SOX6: variants seen among roughly 807,000 people sequenced by gnomAD.
SOX6 encodes SRY-box transcription factor 6.
SOX6 carries 11 observed loss-of-function variants against 97.8 expected under a neutral mutation model. The ratio of observed to expected loss-of-function variants is 0.11; its 90% CI spans 0.07 to 0.19. SOX6 has a LOEUF of 0.19. Among genes scored for constraint, SOX6 ranks in the 10% least tolerant of loss-of-function variants. The probability of loss-of-function intolerance (pLI) is 1.00; values close to 1 mark genes in which losing one functional copy is unlikely to be tolerated. For synonymous variants in SOX6, 360 were observed against 371.4 expected (o/e 0.97, Z 0.35); for missense variants, 810 against 1,039.5 (o/e 0.78, Z 3.04).
At chr11:16,187,760 CT>C in intron 4 of SOX6, among the ~76,000 whole-genome samples, 2 of 152,242 alleles carry the variant, frequency 1.3e-5, no homozygotes, top group East Asian at 3.9e-4. Context: ...GCTGAACAGT[CT>C]TTTTATGGGC....
intron 1 of SOX6, among the ~76,000 whole-genome samples, chr11:16,410,649 T>C (rs935853529): frequency 2.7e-5 from 4 of 150,638 alleles, no homozygotes; most frequent in East Asian, 2.0e-4. Flanking sequence ...TCCCAGCTAC[T>C]TGAGGGAGCT....
chr11:16,136,411 T>G (rs994952485), intron 6 of SOX6, among the ~76,000 whole-genome samples: 3 of 151,692 alleles, frequency 2.0e-5, no homozygotes, highest in African/African-American at 4.8e-5. Context: ...AGTGTAACTT[T>G]TTTTTAAGAG....
intron 3 of SOX6, among the ~76,000 whole-genome samples, chr11:16,714,203 T>C (rs1848201196): frequency 6.6e-6 from 1 of 152,102 alleles, no homozygotes; most frequent in African/African-American, 2.4e-5. Flanking sequence ...AATAGGTTTA[T>C]GTAGACTATC....
intron 1 of SOX6, among the ~76,000 whole-genome samples, chr11:16,456,498 T>C (rs1411026679): frequency 6.6e-6 from 1 of 152,086 alleles, no homozygotes; most frequent in Non-Finnish European, 1.5e-5. Context: ...GGTTTATAAA[T>C]GCAAAGAACC....
chr11:15,986,166 A>G, intron 15 of SOX6, 38 bp downstream of exon 15: 1 of 1,588,766 alleles, frequency 6.3e-7, no homozygotes, highest in Non-Finnish European at 8.6e-7. Flanking sequence ...ACTTACCGCA[A>G]AAGTAAAGCC....
At chr11:16,420,516 T>C (rs1159970079) in intron 1 of SOX6, among the ~76,000 whole-genome samples, 1 of 152,142 alleles carries the variant, frequency 6.6e-6, no homozygotes, top group Admixed American at 6.6e-5. Context: ...ACTCCCCAAA[T>C]ACATCTGGGC....
At chr11:16,409,772 T>C (rs995250748) in intron 1 of SOX6, among the ~76,000 whole-genome samples, 4 of 151,992 alleles carry the variant, frequency 2.6e-5, no homozygotes, top group African/African-American at 7.3e-5. Flanking sequence ...TATATAGTTA[T>C]TGGTAAAATT....
intron 9 of SOX6, among the ~76,000 whole-genome samples, chr11:16,060,552 T>G (rs1399796365): frequency 3.3e-5 from 5 of 151,974 alleles, no homozygotes; most frequent in African/African-American, 1.2e-4. Flanking sequence ...ATATTCTGTC[T>G]AACAAAACAT....
intron 3 of SOX6, 37 bp downstream of exon 3, chr11:16,318,409 A>G (rs761380203): frequency 2.5e-6 from 4 of 1,596,766 alleles, no homozygotes; most frequent in Non-Finnish European, 3.4e-6. Context: ...TCTTTAGAAG[A>G]AAAAAAACAG....
At chr11:16,081,047 C>T (rs1270648080) in intron 9 of SOX6, among the ~76,000 whole-genome samples, 1 of 151,890 alleles carries the variant, frequency 6.6e-6, no homozygotes, top group Admixed American at 6.6e-5. Flanking sequence ...TATGATTGTA[C>T]CACGGCACTC....
intron 1 of SOX6, among the ~76,000 whole-genome samples, chr11:16,410,618 C>T (rs1315295098): frequency 6.6e-6 from 1 of 151,590 alleles, no homozygotes; most frequent in Non-Finnish European, 1.5e-5. Context: ...ATTAGCCAGG[C>T]ATGGTGGTGT....
At chr11:16,474,435 A>G (rs1171903370) in intron 1 of SOX6, among the ~76,000 whole-genome samples, 1 of 152,222 alleles carries the variant, frequency 6.6e-6, no homozygotes, top group Non-Finnish European at 1.5e-5. Context: ...ATAAGACTTG[A>G]AAGTTGAAAT....
intron 6 of SOX6, among the ~76,000 whole-genome samples, chr11:16,181,005 A>G (rs1851332072): frequency 1.3e-5 from 2 of 151,672 alleles, no homozygotes; most frequent in Admixed American, 1.3e-4. Context: ...TTTCCATTAT[A>G]ATAGACCCAG....
At chr11:16,353,168 C>T (rs954621378) in intron 1 of SOX6, among the ~76,000 whole-genome samples, 6 of 151,988 alleles carry the variant, frequency 3.9e-5, no homozygotes, top group African/African-American at 1.2e-4. Context: ...CCATCTCTGA[C>T]CAGAGAAACC....
intron 5 of SOX6, 30 bp from the exon 6 acceptor site, chr11:16,183,984 A>G (rs1400918262): frequency 6.3e-7 from 1 of 1,597,028 alleles, no homozygotes; most frequent in Non-Finnish European, 8.6e-7. Context: ...ATTAAGTTAA[A>G]ATGAAATGCT....
intron 4 of SOX6, among the ~76,000 whole-genome samples, chr11:16,509,719 C>T (rs374344872): frequency 1.2e-4 from 18 of 152,028 alleles, no homozygotes; most frequent in African/African-American, 3.4e-4. Context: ...TTATTTTAAT[C>T]GGGCATATTG....
chr11:16,709,392 C>T (rs1444742376), intron 3 of SOX6, among the ~76,000 whole-genome samples: 1 of 152,130 alleles, frequency 6.6e-6, no homozygotes, highest in Non-Finnish European at 1.5e-5. Context: ...GCCACAAGCA[C>T]TGGTAGTCCC....
intron 13 of SOX6, among the ~76,000 whole-genome samples, chr11:15,996,320 A>G (rs1251449779): frequency 2.0e-5 from 3 of 152,184 alleles, no homozygotes; most frequent in African/African-American, 7.2e-5. Flanking sequence ...GAATCCTTAG[A>G]AAAACCAATT....
At position 16,505,759 on chromosome 11, in the gene SOX6, G is replaced by A. The variant is rs1050251688; in HGVS notation, n.610-29371C>T. On this transcript the variant is annotated intron_variant and non_coding_transcript_variant, in intron 4 of 5. Transcript: ENST00000524520. ...CTGCTCTATGCAGCCTCAGGACATGGCATCCCAGCTGCCCCAGCTCCAGCT... is the reference window on the plus strand; with the variant it reads ...CTGCTCTATGCAGCCTCAGGACATGACATCCCAGCTGCCCCAGCTCCAGCT... Among the ~76,000 whole-genome samples the A allele has an allele frequency of 1.1e-4, 17 of 152,194 alleles. 1 individual carries two copies. The highest frequency in any genetic ancestry group is 7.3e-5 in the Non-Finnish European group (5 of 68,032).
Sources: allele counts gnomAD v4.1 joint callset (sites outside exome capture counted in the v4.1 genomes callset), GRCh38; gene constraint gnomAD v4.1.1; transcripts MANE v1.5; gene names NCBI Gene and HGNC (gene_info 2026-07-23, HGNC 2026-07-21).